HSD17B12: variants seen among roughly 807,000 people sequenced by gnomAD.
The protein encoded by HSD17B12 is very-long-chain 3-oxoacyl-CoA reductase.
A neutral mutation model predicts 39.3 loss-of-function variants in HSD17B12; 32 were observed. The ratio of observed to expected loss-of-function variants is 0.81; its 90% CI spans 0.61 to 1.09. The LOEUF is 1.09. HSD17B12 is among the 50% of genes least tolerant of loss of function. The probability of loss-of-function intolerance (pLI) is 0.00; values close to 1 mark genes in which losing one functional copy is unlikely to be tolerated. For missense variants in HSD17B12, 342 were observed against 382.9 expected, an observed-to-expected ratio of 0.89 and a Z score of 0.89; for synonymous variants, 150 against 146.7, an observed-to-expected ratio of 1.02 and a Z score of -0.16.
chr11:43,830,555 T>G (rs1332877670), intron 6 of HSD17B12: 2 of 152,936 alleles, frequency 1.3e-5, no homozygotes, highest in African/African-American at 4.8e-5. Context: ...AAGACTTTTT[T>G]TGGCTGGAAA....
chr11:43,577,032 CA>C, the HSD17B12 span, among the ~76,000 whole-genome samples: 1 of 152,120 alleles, frequency 6.6e-6, no homozygotes, highest in African/African-American at 2.4e-5. Context: ...ATCAAAATTG[CA>C]TGGATGGGGT....
the HSD17B12 span, among the ~76,000 whole-genome samples, chr11:43,617,208 G>A: frequency 9.2e-5 from 14 of 152,188 alleles, no homozygotes; most frequent in African/African-American, 3.4e-4. Context: ...AAAAGTTGAT[G>A]AGTGACTCAG....
intron 2 of HSD17B12, 92 bp from the exon 3 acceptor site, chr11:43,753,954 C>A: frequency 1.4e-6 from 1 of 720,178 alleles, no homozygotes; most frequent in Non-Finnish European, 2.3e-6. Flanking sequence ...GAACTATCAT[C>A]TGGACAGGTT....
At chr11:43,613,409 A>C in the HSD17B12 span, among the ~76,000 whole-genome samples, 5 of 151,462 alleles carry the variant, frequency 3.3e-5, no homozygotes, top group Non-Finnish European at 5.9e-5. Flanking sequence ...AAAACAACAA[A>C]ACAACAACAA....
At chr11:43,804,518 T>G (rs1951000563) in intron 4 of HSD17B12, among the ~76,000 whole-genome samples, 1 of 152,242 alleles carries the variant, frequency 6.6e-6, no homozygotes, top group Admixed American at 6.5e-5. Flanking sequence ...TTATTCTCTT[T>G]TCTTCCTGTG....
rs552430985 is a variant in HSD17B12 at position 43,839,268 on chromosome 11, C to T, written c.619-731C>T. The stretch of plus-strand genomic sequence containing the variant: ...AAAGCTTGGTACCACCTCCCAGCCC[C>T]TACAATCTACTTTCTGTATCTGGGA... On this transcript the variant is annotated intron_variant, in intron 8 of 10. Coordinates refer to ENST00000278353, the MANE Select transcript of HSD17B12 (RefSeq NM_016142.3). Among the ~76,000 whole-genome samples, 161 of 152,212 alleles carry T rather than the reference C, an allele frequency of 1.1e-3. 2 individuals carry two copies. The highest frequency in any genetic ancestry group is 2.1e-3 in the South Asian group (10 of 4,828).
chr11:43,786,219 C>A (rs1274808619), intron 3 of HSD17B12, among the ~76,000 whole-genome samples: 1 of 152,140 alleles, frequency 6.6e-6, no homozygotes, highest in Non-Finnish European at 1.5e-5. Context: ...AATGCTTTTC[C>A]TCAAGACAGC....
chr11:43,705,427 T>A (rs1328125321), intron 1 of HSD17B12, among the ~76,000 whole-genome samples: 1 of 152,246 alleles, frequency 6.6e-6, no homozygotes, highest in Admixed American at 6.5e-5. Flanking sequence ...TCTAAATATT[T>A]TTAGCAAGTA....
At chr11:43,821,718 G>A (rs1216110036) in intron 6 of HSD17B12, among the ~76,000 whole-genome samples, 1 of 152,142 alleles carries the variant, frequency 6.6e-6, no homozygotes, top group Admixed American at 6.5e-5. Flanking sequence ...ACAAATGTAG[G>A]TTTCATTTCA....
chr11:43,713,098 C>A (rs1295139840), intron 1 of HSD17B12, among the ~76,000 whole-genome samples: 9 of 152,146 alleles, frequency 5.9e-5, no homozygotes, highest in Non-Finnish European at 1.5e-5. Flanking sequence ...TATTCTGTAT[C>A]TACACTGTAC....
chr11:43,801,608 A>G (rs1426416946), intron 4 of HSD17B12, among the ~76,000 whole-genome samples: 1 of 16,666 alleles, frequency 6.0e-5, no homozygotes, highest in African/African-American at 2.1e-4. Context: ...ATATATATAT[A>G]TATATATATA....
chr11:43,688,533 C>T (rs1418953267), intron 1 of HSD17B12, among the ~76,000 whole-genome samples: 1 of 152,174 alleles, frequency 6.6e-6, no homozygotes, highest in Non-Finnish European at 1.5e-5. Flanking sequence ...AATGCGTTTG[C>T]CCTATCTCTA....
the HSD17B12 span, among the ~76,000 whole-genome samples, chr11:43,669,623 C>T: frequency 6.6e-6 from 1 of 152,198 alleles, no homozygotes; most frequent in Admixed American, 6.5e-5. Flanking sequence ...TTCCTTGCCT[C>T]TTCCTAACTT....
At chr11:43,770,189 ATTGT>A (rs770382115) in intron 3 of HSD17B12, among the ~76,000 whole-genome samples, 30 of 152,226 alleles carry the variant, frequency 2.0e-4, no homozygotes, top group Non-Finnish European at 3.8e-4. Context: ...TGTTGAGCTG[ATTGT>A]TTGTTTTAAA....
chr11:43,654,158 T>G, the HSD17B12 span, among the ~76,000 whole-genome samples: 1 of 152,208 alleles, frequency 6.6e-6, no homozygotes, highest in Non-Finnish European at 1.5e-5. Context: ...ATGGTGAGCA[T>G]TTTTTCATGT....
the HSD17B12 span, among the ~76,000 whole-genome samples, chr11:43,606,079 C>G: frequency 2.0e-5 from 3 of 152,212 alleles, no homozygotes; most frequent in Non-Finnish European, 4.4e-5. Flanking sequence ...ACATCTGCCT[C>G]TGGTCAGGTC....
the HSD17B12 span, among the ~76,000 whole-genome samples, chr11:43,632,546 T>G: frequency 6.6e-6 from 1 of 152,214 alleles, no homozygotes; most frequent in South Asian, 2.1e-4. Context: ...TTTTTTTTCC[T>G]TTAAAGGATT....
At chr11:43,834,317 C>T (rs923358166) in intron 7 of HSD17B12, among the ~76,000 whole-genome samples, 2 of 151,924 alleles carry the variant, frequency 1.3e-5, no homozygotes, top group African/African-American at 4.8e-5. Context: ...CCTCAAGAGC[C>T]TGCTTTTGTA....
the HSD17B12 span, among the ~76,000 whole-genome samples, chr11:43,598,443 A>AT: frequency 5.3e-5 from 8 of 150,592 alleles, no homozygotes; most frequent in African/African-American, 2.0e-4. Context: ...GGTGAAGCTG[A>AT]TTCGCTCTTC....
Sources: allele counts gnomAD v4.1 joint callset (sites outside exome capture counted in the v4.1 genomes callset), GRCh38; gene constraint gnomAD v4.1.1; transcripts MANE v1.5; gene names NCBI Gene and HGNC (gene_info 2026-07-23, HGNC 2026-07-21).